Variants in TNNI3K observed in about 807,000 individuals in gnomAD.
TNNI3K encodes the protein TNNI3 interacting kinase.
In TNNI3K, 140 loss-of-function variants were observed where a neutral mutation model predicts 114.5. The observed-to-expected ratio is 1.22, with a 90% CI of 1.07 to 1.41. The LOEUF is 1.41. Ranked by LOEUF, TNNI3K falls within the 40% of genes most tolerant of loss-of-function variation. The probability of loss-of-function intolerance (pLI) is 0.00; values close to 1 mark genes in which losing one functional copy is unlikely to be tolerated. For synonymous variants in TNNI3K, 347 were observed against 347.5 expected (o/e 1.00, Z 0.02); for missense variants, 1,125 against 1,007.6 (o/e 1.12, Z -1.58).
chr1:74,317,676 A>G (rs538815509), intron 5 of TNNI3K, among the ~76,000 whole-genome samples: 1 of 152,270 alleles, frequency 6.6e-6, no homozygotes, highest in East Asian at 1.9e-4. Context: ...ATTCTTCAGG[A>G]CACTCCTGCT....
At chr1:74,435,726 G>T (rs915827245) in intron 17 of TNNI3K, among the ~76,000 whole-genome samples, 1 of 151,666 alleles carries the variant, frequency 6.6e-6, no homozygotes, top group East Asian at 1.9e-4. Context: ...ACTCTAATAC[G>T]CCCATGATGC....
intron 20 of TNNI3K, among the ~76,000 whole-genome samples, chr1:74,447,514 C>T (rs1666758283): frequency 1.6e-5 from 2 of 126,772 alleles, no homozygotes; most frequent in African/African-American, 7.0e-5. Context: ...AAGAAATGCT[C>T]ATCATCACTG....
chr1:74,457,179 A>G (rs770452048), intron 20 of TNNI3K, among the ~76,000 whole-genome samples: 156 of 152,300 alleles, frequency 1.0e-3, no homozygotes, highest in Non-Finnish European at 1.7e-3. Flanking sequence ...CACTAAAAGG[A>G]GTAGAGCCAA....
At chr1:74,322,824 T>C (rs767336454) in intron 5 of TNNI3K, among the ~76,000 whole-genome samples, 5 of 152,160 alleles carry the variant, frequency 3.3e-5, no homozygotes, top group Non-Finnish European at 7.3e-5. Flanking sequence ...CAGCTCATTT[T>C]ATTCTTATCT....
chr1:74,355,733 A>G (rs1282068502), intron 11 of TNNI3K, among the ~76,000 whole-genome samples: 1 of 152,212 alleles, frequency 6.6e-6, no homozygotes. Context: ...CAGTAAGCGT[A>G]TAGACAAGGA....
chr1:74,415,990 T>C (rs1283456758), intron 17 of TNNI3K, among the ~76,000 whole-genome samples: 1 of 152,090 alleles, frequency 6.6e-6, no homozygotes, highest in East Asian at 1.9e-4. Flanking sequence ...GAAAGAATCA[T>C]CAGTGTGGGA....
At position 74,436,080 on chromosome 1, in the gene TNNI3K, T is replaced by G; in HGVS notation, c.1773T>G (p.Ser591Arg). 6.3e-7 allele frequency: 1 copy of G among 1,576,132 alleles called. No homozygotes were observed. Among genetic ancestry groups the G allele is most frequent in the Non-Finnish European group, 8.6e-7 (1 of 1,164,288 alleles). Residue 591 changes from serine to arginine, a missense_variant and splice_region_variant, in exon 18 of 25, where the codon AGT (serine) becomes AGG (arginine). Physicochemically the swap from Ser to Arg is moderately radical, Grantham distance 110. Coordinates refer to ENST00000326637, the MANE Select transcript of TNNI3K (RefSeq NM_015978.3). ...CTTTTTTTTTTTTTTTTTTTTACAGTCACAATATTCTTCTCTATGAGGATG... is the reference window on the plus strand; with the variant it reads ...CTTTTTTTTTTTTTTTTTTTTACAGGCACAATATTCTTCTCTATGAGGATG... ...TQPIIHRDLNSHNILLYEDGH... is the reference protein window; with the variant it reads ...TQPIIHRDLNRHNILLYEDGH...
At chr1:74,486,460 A>G (rs1207532070) in intron 21 of TNNI3K, among the ~76,000 whole-genome samples, 1 of 151,460 alleles carries the variant, frequency 6.6e-6, no homozygotes, top group African/African-American at 2.4e-5. Context: ...AGTATGATAG[A>G]GTAGTCAAAC....
intron 24 of TNNI3K, among the ~76,000 whole-genome samples, chr1:74,542,035 G>T (rs1646733079): frequency 1.3e-5 from 2 of 152,142 alleles, no homozygotes; most frequent in Admixed American, 6.5e-5. Context: ...TTCAGACTTG[G>T]TTCAGTCTTT....
intron 20 of TNNI3K, among the ~76,000 whole-genome samples, chr1:74,446,528 G>A (rs1194365892): frequency 1.4e-5 from 2 of 147,264 alleles, no homozygotes; most frequent in African/African-American, 5.1e-5. Context: ...TTGCTGTGCA[G>A]AAGCTCTTTA....
intron 23 of TNNI3K, 52 bp from the exon 24 acceptor site, chr1:74,540,182 A>G: frequency 6.3e-7 from 1 of 1,581,528 alleles, no homozygotes; most frequent in East Asian, 2.3e-5. Flanking sequence ...GTTTATAAAA[A>G]TGTTATTATC....
At chr1:74,387,712 C>T (rs372266211) in intron 17 of TNNI3K, among the ~76,000 whole-genome samples, 4 of 152,172 alleles carry the variant, frequency 2.6e-5, no homozygotes, top group African/African-American at 7.2e-5. Context: ...TCGGCGGTAT[C>T]GAGGCGTAAT....
chr1:74,362,025 T>C (rs1661995391), intron 11 of TNNI3K, among the ~76,000 whole-genome samples: 1 of 152,102 alleles, frequency 6.6e-6, no homozygotes, highest in Admixed American at 6.6e-5. Flanking sequence ...CTCTCTGTGA[T>C]ATAAAATTAG....
intron 20 of TNNI3K, among the ~76,000 whole-genome samples, chr1:74,455,509 T>C (rs1570643904): frequency 6.6e-6 from 1 of 152,332 alleles, no homozygotes; most frequent in South Asian, 2.1e-4. Context: ...TATCTATTTA[T>C]ATGTGTAAGA....
chr1:74,296,421 G>A (rs1004354377), intron 5 of TNNI3K, among the ~76,000 whole-genome samples: 1 of 151,738 alleles, frequency 6.6e-6, no homozygotes, highest in African/African-American at 2.4e-5. Flanking sequence ...ACCTTTTTGT[G>A]TATTTATTTA....
At chr1:74,436,618 G>A in intron 19 of TNNI3K, 92 bp downstream of exon 19, 3 of 1,322,424 alleles carry the variant, frequency 2.3e-6, no homozygotes, top group Middle Eastern at 3.8e-4. Flanking sequence ...AGTTTTAATT[G>A]GAAGAAATGT....
At chr1:74,340,880 C>T (rs1463033744) in intron 7 of TNNI3K, among the ~76,000 whole-genome samples, 1 of 152,130 alleles carries the variant, frequency 6.6e-6, no homozygotes, top group Non-Finnish European at 1.5e-5. Flanking sequence ...AACCAACATT[C>T]TTCTGAATGA....
chr1:74,350,061 G>C (rs1308856128), intron 9 of TNNI3K, among the ~76,000 whole-genome samples: 3 of 152,130 alleles, frequency 2.0e-5, no homozygotes, highest in Non-Finnish European at 4.4e-5. Context: ...TAATTGTGAT[G>C]TTAGGGTGTC....
chr1:74,473,644 T>A (rs910770151), intron 21 of TNNI3K, among the ~76,000 whole-genome samples: 3 of 152,032 alleles, frequency 2.0e-5, no homozygotes, highest in Non-Finnish European at 4.4e-5. Flanking sequence ...TCTCCAATTT[T>A]CCCCAAGAGG....
Sources: allele counts gnomAD v4.1 joint callset (sites outside exome capture counted in the v4.1 genomes callset), GRCh38; gene constraint gnomAD v4.1.1; transcripts MANE v1.5; gene names NCBI Gene and HGNC (gene_info 2026-07-23, HGNC 2026-07-21).